CDH12: variants seen among roughly 807,000 people sequenced by gnomAD.
The protein encoded by CDH12 is cadherin-12.
In CDH12, 41 loss-of-function variants were observed where a neutral mutation model predicts 74.1. The observed-to-expected ratio is 0.55, with a 90% CI of 0.43 to 0.72. CDH12 has a LOEUF of 0.72. CDH12 is among the 30% of genes least tolerant of loss of function. CDH12 has a pLI of 0.00. For synonymous variants in CDH12, 399 were observed against 355.0 expected, an observed-to-expected ratio of 1.12 and a Z score of -1.39; for missense variants, 945 against 977.2, an observed-to-expected ratio of 0.97 and a Z score of 0.44.
At chr5:22,498,057 T>G (rs1230271476) in intron 2 of CDH12, among the ~76,000 whole-genome samples, 1 of 152,140 alleles carries the variant, frequency 6.6e-6, no homozygotes, top group African/African-American at 2.4e-5. Flanking sequence ...AATTTGTGAT[T>G]TAATTTGGAA....
At chr5:22,060,790 CA>C (rs1741133567) in intron 5 of CDH12, among the ~76,000 whole-genome samples, 1 of 152,020 alleles carries the variant, frequency 6.6e-6, no homozygotes, top group Non-Finnish European at 1.5e-5. Context: ...TTTTCCAAAG[CA>C]AAGGGCCACA....
intron 1 of CDH12, among the ~76,000 whole-genome samples, chr5:22,676,975 A>T (rs923305147): frequency 3.9e-5 from 6 of 152,180 alleles, no homozygotes; most frequent in African/African-American, 1.4e-4. Context: ...TATAGATTAG[A>T]CAATCAATAT....
chr5:21,832,880 TA>T (rs1443479676), intron 8 of CDH12, among the ~76,000 whole-genome samples: 14 of 55,640 alleles, frequency 2.5e-4, no homozygotes, highest in East Asian at 5.7e-4. Context: ...ATATATGATA[TA>T]ATATTAATAT....
chr5:22,678,662 A>T (rs1741336094), intron 1 of CDH12, among the ~76,000 whole-genome samples: 1 of 152,110 alleles, frequency 6.6e-6, no homozygotes, highest in African/African-American at 2.4e-5. Flanking sequence ...TAAAACTCTA[A>T]AGTGTTTTTT....
intron 6 of CDH12, among the ~76,000 whole-genome samples, chr5:21,935,500 G>A (rs1347289437): frequency 6.6e-6 from 1 of 152,014 alleles, no homozygotes; most frequent in African/African-American, 2.4e-5. Flanking sequence ...ATATATTTAT[G>A]GAGTACATGA....
At chr5:21,829,442 C>G (rs16899336) in intron 8 of CDH12, among the ~76,000 whole-genome samples, 4,491 of 152,290 alleles carry the variant, frequency 0.029, 201 homozygotes, top group African/African-American at 0.099. Flanking sequence ...TCTATACTTG[C>G]AATGAACGAA....
At chr5:22,488,119 A>C (rs994058372) in intron 2 of CDH12, among the ~76,000 whole-genome samples, 1 of 152,216 alleles carries the variant, frequency 6.6e-6, no homozygotes. Flanking sequence ...GTAGTGTTCC[A>C]GTTTAACATG....
chr5:22,828,653 A>C (rs780175), intron 1 of CDH12, among the ~76,000 whole-genome samples: 119,372 of 152,042 alleles, frequency 0.79, 47,061 homozygotes, highest in African/African-American at 0.83. Context: ...GACCCAAGAG[A>C]AAGTTGTTTG....
chr5:22,812,838 C>A (rs982243060), intron 1 of CDH12, among the ~76,000 whole-genome samples: 2 of 152,016 alleles, frequency 1.3e-5, no homozygotes, highest in African/African-American at 4.8e-5. Context: ...AAAAAATGAT[C>A]TGTGACTAGA....
chr5:22,441,513 T>G (rs1561406779), intron 2 of CDH12, among the ~76,000 whole-genome samples: 1 of 152,122 alleles, frequency 6.6e-6, no homozygotes, highest in Admixed American at 6.6e-5. Flanking sequence ...AAGTTTTAAT[T>G]AAGGCCATGG....
chr5:22,583,984 C>T (rs560587565), intron 1 of CDH12, among the ~76,000 whole-genome samples: 134 of 151,198 alleles, frequency 8.9e-4, no homozygotes, highest in Non-Finnish European at 1.7e-3. Flanking sequence ...TTACTTTTTC[C>T]CCCTGGTTCT....
At chr5:22,148,391 A>T (rs1747347616) in intron 4 of CDH12, among the ~76,000 whole-genome samples, 1 of 151,696 alleles carries the variant, frequency 6.6e-6, no homozygotes, top group Admixed American at 6.6e-5. Flanking sequence ...AAAGTTATGG[A>T]TTTTAGTTTA....
At chr5:21,819,436 T>G (rs1748241285) in intron 8 of CDH12, among the ~76,000 whole-genome samples, 1 of 152,020 alleles carries the variant, frequency 6.6e-6, no homozygotes. Context: ...GCCCGTTAAA[T>G]GGAAATACGA....
chr5:22,548,970 C>T (rs540429863), intron 1 of CDH12, among the ~76,000 whole-genome samples: 3 of 151,880 alleles, frequency 2.0e-5, no homozygotes, highest in Non-Finnish European at 4.4e-5. Flanking sequence ...GACAGGGTCT[C>T]GCTCTCTCAT....
At chr5:21,955,329 A>G in intron 6 of CDH12, among the ~76,000 whole-genome samples, 1 of 152,020 alleles carries the variant, frequency 6.6e-6, no homozygotes, top group Non-Finnish European at 1.5e-5. Context: ...AAAATTAATT[A>G]GAAAAAGGCA....
chr5:22,225,150 C>G (rs1411933660), intron 3 of CDH12, among the ~76,000 whole-genome samples: 1 of 152,016 alleles, frequency 6.6e-6, no homozygotes, highest in Non-Finnish European at 1.5e-5. Context: ...CGGTTGCACC[C>G]TCTGTCTGTG....
At chr5:22,057,745 C>G (rs1740841428) in intron 5 of CDH12, among the ~76,000 whole-genome samples, 1 of 152,124 alleles carries the variant, frequency 6.6e-6, no homozygotes, top group Admixed American at 6.6e-5. Flanking sequence ...TTTATAATCA[C>G]TCAATTACAT....
chr5:22,027,793 G>GT (rs1315802684), intron 5 of CDH12, among the ~76,000 whole-genome samples: 3 of 151,958 alleles, frequency 2.0e-5, no homozygotes, highest in South Asian at 2.1e-4. Flanking sequence ...TTTTTGAAGG[G>GT]TTTTTTGTGT....
At chr5:22,589,144 T>C (rs1039782307) in intron 1 of CDH12, among the ~76,000 whole-genome samples, 5 of 152,132 alleles carry the variant, frequency 3.3e-5, no homozygotes, top group African/African-American at 9.7e-5. Context: ...TCATTGGATG[T>C]GACATGAGCA....
Sources: allele counts gnomAD v4.1 joint callset (sites outside exome capture counted in the v4.1 genomes callset), GRCh38; gene constraint gnomAD v4.1.1; transcripts MANE v1.5; gene names NCBI Gene and HGNC (gene_info 2026-07-23, HGNC 2026-07-21).